TAS1R1: variants seen among roughly 807,000 people sequenced by gnomAD.
The protein encoded by TAS1R1 is taste 1 receptor member 1.
A neutral mutation model predicts 45.8 loss-of-function variants in TAS1R1; 31 were observed. That is an observed-to-expected ratio of 0.68 (90% CI 0.51 to 0.91). The LOEUF is 0.91. Ranked by LOEUF, TAS1R1 falls within the 40% of genes least tolerant of loss-of-function variation. The pLI is 0.00. For synonymous variants in TAS1R1, 437 were observed against 448.4 expected, an observed-to-expected ratio of 0.97 and a Z score of 0.32; for missense variants, 1,051 against 1,063.9, an observed-to-expected ratio of 0.99 and a Z score of 0.17.
chr1:6,572,265 ATTTTTT>A (rs3062936), intron 2 of TAS1R1, among the ~76,000 whole-genome samples: 1 of 102,320 alleles, frequency 9.8e-6, no homozygotes, highest in African/African-American at 3.5e-5. Flanking sequence ...GTGACTTGTG[ATTTTTT>A]TTTTTTTTTT....
At chr1:6,561,154 A>G (rs1331980615) in intron 1 of TAS1R1, among the ~76,000 whole-genome samples, 1 of 152,166 alleles carries the variant, frequency 6.6e-6, no homozygotes, top group Non-Finnish European at 1.5e-5. Flanking sequence ...GCCAAATGCT[A>G]AAAGGAGAAA....
chr1:6,563,707 G>A (rs1219036230), intron 1 of TAS1R1, among the ~76,000 whole-genome samples: 1 of 152,112 alleles, frequency 6.6e-6, no homozygotes, highest in Admixed American at 6.6e-5. Flanking sequence ...GGTACTATTG[G>A]AAAGGGGAGG....
chr1:6,578,758 C>T lies in TAS1R1; in HGVS notation c.1700C>T (p.Ser567Phe). ...TTTTTGGCTTTGCGTGAGCACACCT[C>T]TTGGGTGCTGCTGGCAGCTAACACG... ...VVFLALREHT[S>F]WVLLAANTLL... Residue 567 changes from serine to phenylalanine, a missense_variant, in exon 6 of 6, where the codon TCT (serine) becomes TTT (phenylalanine). Coordinates refer to ENST00000333172, the MANE Select transcript of TAS1R1 (RefSeq NM_138697.4). 6.2e-7 allele frequency: 1 copy of T among 1,614,148 alleles called. No homozygotes were observed. Among genetic ancestry groups the T allele is most frequent in the Non-Finnish European group, 8.5e-7 (1 of 1,180,014 alleles).
chr1:6,560,415 G>A (rs1438162326), intron 1 of TAS1R1, among the ~76,000 whole-genome samples: 1 of 152,232 alleles, frequency 6.6e-6, no homozygotes, highest in Non-Finnish European at 1.5e-5. Context: ...AGACTAGGGG[G>A]TATAAGTGTA....
intron 1 of TAS1R1, among the ~76,000 whole-genome samples, chr1:6,559,188 C>T (rs969353966): frequency 3.3e-5 from 5 of 151,320 alleles, no homozygotes; most frequent in South Asian, 2.1e-4. Flanking sequence ...CCGCCACGCC[C>T]GGCCCCAATT....
intron 1 of TAS1R1, among the ~76,000 whole-genome samples, chr1:6,560,524 G>A (rs1324275521): frequency 6.6e-6 from 1 of 152,260 alleles, no homozygotes; most frequent in Admixed American, 6.5e-5. Flanking sequence ...TGCCTTGGCG[G>A]AGGGCCTGCA....
In TAS1R1 at chr1:6,579,014, C is replaced by G; in HGVS notation, c.1956C>G (p.Arg652=). The G allele has an allele frequency of 1.2e-6, 2 of 1,613,678 alleles. No homozygotes were observed. The highest frequency in any genetic ancestry group is 1.7e-6 in the Non-Finnish European group (2 of 1,179,664). The change falls in exon 6 of 6, where the codon CGC becomes CGG. Residue 652 remains arginine, a synonymous_variant. Coordinates refer to ENST00000333172, the MANE Select transcript of TAS1R1 (RefSeq NM_138697.4). ...TCTTCCTGTCCTGCCTGACAGTTCG[C>G]TCATTCCAACTAATCATCATCTTCA... is the stretch of plus-strand genomic sequence containing the variant. ...FTIFLSCLTV[R]SFQLIIIFKF...
At chr1:6,560,595 G>A (rs1271509176) in intron 1 of TAS1R1, among the ~76,000 whole-genome samples, 8 of 152,226 alleles carry the variant, frequency 5.3e-5, no homozygotes, top group Non-Finnish European at 1.0e-4. Context: ...CCGCCTTGGC[G>A]GTGGGCCTTT....
At chr1:6,575,834 G>A (rs921451718) in intron 3 of TAS1R1, among the ~76,000 whole-genome samples, 5 of 151,758 alleles carry the variant, frequency 3.3e-5, no homozygotes, top group Non-Finnish European at 5.9e-5. Context: ...GTGGGACTAC[G>A]GGCGCCCGCC....
In TAS1R1 at chr1:6,570,827, C is replaced by T. The variant is rs1639989926; in HGVS notation, c.192-82C>T. 26 of 1,341,994 alleles carry T rather than the reference C, an allele frequency of 1.9e-5. No homozygotes were observed. The South Asian group carries it at 3.3e-4, about 17-fold the overall frequency. The allele number at this position is 1,341,994 out of a possible 1,614,324, so 83.1% of individuals were successfully genotyped here. On this transcript the variant is annotated intron_variant, in intron 1 of 5. Transcript: ENST00000333172. ...ATGACCTCAAAGGTTCCCTTTGCTCCCAAGCCTCAGAGTCTAGGAGGCCAG... is the reference window on the plus strand; with the variant it reads ...ATGACCTCAAAGGTTCCCTTTGCTCTCAAGCCTCAGAGTCTAGGAGGCCAG...
chr1:6,558,894 C>CTTTTTTTTTTT (rs780826392), intron 1 of TAS1R1, among the ~76,000 whole-genome samples: 9 of 139,986 alleles, frequency 6.4e-5, no homozygotes, highest in Admixed American at 1.4e-4. Flanking sequence ...AATTTTTGTA[C>CTTTTTTTTTTT]TTTTTTTTTT....
At chr1:6,562,910 C>A (rs1467679362) in intron 1 of TAS1R1, among the ~76,000 whole-genome samples, 2 of 152,222 alleles carry the variant, frequency 1.3e-5, no homozygotes, top group Non-Finnish European at 2.9e-5. Context: ...GCTAAGGCGG[C>A]TCCAGTGAGT....
chr1:6,578,527 C>T (rs1362342379), intron 5 of TAS1R1, 126 bp from the exon 6 acceptor site: 3 of 1,461,896 alleles, frequency 2.1e-6, no homozygotes, highest in East Asian at 2.4e-5. Flanking sequence ...CGGCTACCCC[C>T]ATCCCACTAT....
chr1:6,570,835 C>T, intron 1 of TAS1R1, 74 bp from the exon 2 acceptor site: 3 of 1,402,342 alleles, frequency 2.1e-6, no homozygotes, highest in Admixed American at 4.5e-5. Flanking sequence ...TCCCAAGCCT[C>T]AGAGTCTAGG....
intron 1 of TAS1R1, among the ~76,000 whole-genome samples, chr1:6,561,026 A>G (rs1639778909): frequency 6.7e-6 from 1 of 149,836 alleles, no homozygotes; most frequent in African/African-American, 2.5e-5. Context: ...GTTTATGGAG[A>G]AAGGCTGTGG....
At chr1:6,566,453 G>A (rs1472857576) in intron 1 of TAS1R1, among the ~76,000 whole-genome samples, 1 of 152,146 alleles carries the variant, frequency 6.6e-6, no homozygotes, top group Non-Finnish European at 1.5e-5. Context: ...GTCAATATGA[G>A]CCATCTGATT....
intron 1 of TAS1R1, among the ~76,000 whole-genome samples, chr1:6,563,414 G>A (rs954129242): frequency 1.3e-5 from 2 of 152,208 alleles, no homozygotes; most frequent in Non-Finnish European, 2.9e-5. Flanking sequence ...TGGAGATATA[G>A]GAGCGTAAAA....
chr1:6,574,838 G>A lies in TAS1R1; in HGVS notation c.706G>A (p.Gly236Arg), dbSNP rs753014879. The change falls in exon 3 of 6, where the codon GGG becomes AGG. Residue 236 changes from glycine (G) to arginine (R), a missense_variant. Transcript: ENST00000333172. The surrounding 1 kb of genome is among the most constrained non-coding windows in gnomAD (Gnocchi z 4.3). ...ACTGGAGAACCAGGCCACTGGTCAG[G>A]GGATCTGCATTGCTTTCAAGGACAT... Reference protein sequence around the residue: ...QALENQATGQGICIAFKDIMP... With the variant: ...QALENQATGQRICIAFKDIMP... The A allele has an allele frequency of 1.2e-6, 2 of 1,614,240 alleles. No individual in the cohort carries two copies. The highest frequency in any genetic ancestry group is 1.7e-6 in the Non-Finnish European group (2 of 1,180,030).
intron 2 of TAS1R1, among the ~76,000 whole-genome samples, chr1:6,573,998 C>T (rs376205571): frequency 7.2e-5 from 11 of 152,110 alleles, no homozygotes; most frequent in African/African-American, 2.4e-4. Flanking sequence ...TTATACAACT[C>T]ACCATAATGT....
Sources: allele counts gnomAD v4.1 joint callset (sites outside exome capture counted in the v4.1 genomes callset), GRCh38; gene constraint gnomAD v4.1.1; non-coding constraint Gnocchi (gnomAD v3.1); transcripts MANE v1.5; gene names NCBI Gene and HGNC (gene_info 2026-07-23, HGNC 2026-07-21).